The following C2CD5 variants were observed in gnomAD, a reference collection of about 807,000 sequenced individuals.
C2CD5 encodes C2 domain-containing protein 5.
Under a neutral mutation model 130.3 loss-of-function variants are expected in C2CD5, and 109 were observed. The observed-to-expected ratio is 0.84, with a 90% CI of 0.72 to 0.98. The LOEUF (loss-of-function observed/expected upper bound fraction) is 0.98, where lower values mean the gene tolerates loss of function less well. Among genes scored for constraint, C2CD5 ranks in the 50% least tolerant of loss-of-function variants. The pLI is 0.00. For synonymous variants in C2CD5, 454 were observed against 429.2 expected (o/e 1.06, Z -0.71); for missense variants, 996 against 1,261.8 (o/e 0.79, Z 3.19).
intron 22 of C2CD5, chr12:22,463,889 T>G (rs1160134850): frequency 6.6e-6 from 1 of 152,202 alleles, no homozygotes; most frequent in Non-Finnish European, 1.5e-5. Context: ...GTCATTATAA[T>G]TTATGTTTTA....
chr12:22,539,508 C>T (rs1952140623), intron 2 of C2CD5, among the ~76,000 whole-genome samples: 1 of 152,108 alleles, frequency 6.6e-6, no homozygotes, highest in Non-Finnish European at 1.5e-5. Flanking sequence ...GCAAAAAAGA[C>T]AGAACCAACT....
intron 2 of C2CD5, among the ~76,000 whole-genome samples, chr12:22,540,049 T>C (rs1165965319): frequency 1.3e-5 from 2 of 149,472 alleles, no homozygotes; most frequent in African/African-American, 2.5e-5. Context: ...GTTTTACAGA[T>C]AGAAGTATTA....
chr12:22,502,391 A>G (rs556480320), intron 10 of C2CD5, among the ~76,000 whole-genome samples: 1 of 152,218 alleles, frequency 6.6e-6, no homozygotes, highest in Non-Finnish European at 1.5e-5. Flanking sequence ...ATATTTAACA[A>G]ATATTTGCTT....
chr12:22,484,659 T>C, intron 13 of C2CD5, 38 bp downstream of exon 13: 1 of 1,262,358 alleles, frequency 7.9e-7, no homozygotes, highest in Non-Finnish European at 1.1e-6. Flanking sequence ...TATCTCATAC[T>C]TTTTCAGGGA....
chr12:22,523,824 AAATAT>A (rs1042936006), intron 6 of C2CD5, among the ~76,000 whole-genome samples, 200 bp from the exon 7 acceptor site: 1 of 151,464 alleles, frequency 6.6e-6, no homozygotes, highest in Admixed American at 6.6e-5. Context: ...CATAATTATA[AAATAT>A]AATATATACT....
chr12:22,491,889 AC>A (rs1049771771), intron 11 of C2CD5, among the ~76,000 whole-genome samples: 5 of 151,630 alleles, frequency 3.3e-5, no homozygotes, highest in African/African-American at 9.7e-5. Context: ...AAAAAAAAAA[AC>A]GACAACAACA....
Position 22,497,893 on chromosome 12 carries a change from C to T in C2CD5, c.1148-4556G>A, listed in dbSNP as rs117940154. On this transcript the variant is annotated intron_variant, in intron 10 of 26. Coordinates refer to ENST00000446597, the MANE Select transcript of C2CD5 (RefSeq NM_001286176.2). ...TAATTGTGAAATTTCACTACATACA[C>T]GCATGCACACACATACACACACACA... is the stretch of plus-strand genomic sequence containing the variant. 1.1e-3 allele frequency among the ~76,000 whole-genome samples: 145 copies of T among 131,694 alleles called. 1 individual carries two copies. The East Asian group carries it at 0.022, about 20-fold the overall frequency. The allele number at this position is 131,694 out of a possible 152,430, so 86.4% of individuals were successfully genotyped here.
At chr12:22,506,932 A>G in intron 9 of C2CD5, 113 bp from the exon 10 acceptor site, 1 of 665,746 alleles carries the variant, frequency 1.5e-6, no homozygotes, top group Non-Finnish European at 2.7e-6. Flanking sequence ...ATAAAAGGCC[A>G]CCCATTACAC....
chr12:22,522,594 A>G (rs895132229), intron 7 of C2CD5, among the ~76,000 whole-genome samples: 1 of 152,030 alleles, frequency 6.6e-6, no homozygotes, highest in African/African-American at 2.4e-5. Flanking sequence ...ACCCTAAAGT[A>G]TTGGCCTTTC....
At chr12:22,468,025 T>C (rs1042791553) in intron 22 of C2CD5, among the ~76,000 whole-genome samples, 6 of 150,164 alleles carry the variant, frequency 4.0e-5, no homozygotes, top group Non-Finnish European at 8.9e-5. Flanking sequence ...TACCTTTTCC[T>C]ACAGAATAAC....
intron 8 of C2CD5, 54 bp downstream of exon 8, chr12:22,517,932 A>T: frequency 6.8e-7 from 1 of 1,460,758 alleles, no homozygotes; most frequent in Non-Finnish European, 9.3e-7. Flanking sequence ...CTAATAAGAA[A>T]TAGAAACAAA....
At chr12:22,501,841 A>G (rs1350960146) in intron 10 of C2CD5, among the ~76,000 whole-genome samples, 1 of 152,122 alleles carries the variant, frequency 6.6e-6, no homozygotes, top group African/African-American at 2.4e-5. Context: ...AAAGTTTACA[A>G]TATTGAAAAG....
At chr12:22,496,272 A>G (rs949631589) in intron 10 of C2CD5, among the ~76,000 whole-genome samples, 2 of 152,130 alleles carry the variant, frequency 1.3e-5, no homozygotes, top group Non-Finnish European at 2.9e-5. Context: ...TCCCTATAAT[A>G]GAATGTTTAA....
intron 2 of C2CD5, among the ~76,000 whole-genome samples, chr12:22,536,292 C>G (rs1457996758): frequency 6.6e-6 from 1 of 152,142 alleles, no homozygotes; most frequent in Non-Finnish European, 1.5e-5. Context: ...GAGAAGCTGA[C>G]TCACTTTGTA....
intron 13 of C2CD5, among the ~76,000 whole-genome samples, chr12:22,483,035 G>A (rs1364370030): frequency 6.6e-6 from 1 of 152,130 alleles, no homozygotes; most frequent in African/African-American, 2.4e-5. Context: ...AACTAAAAGA[G>A]TATAACAGGA....
intron 25 of C2CD5, among the ~76,000 whole-genome samples, chr12:22,455,227 A>C (rs1246361682): frequency 6.6e-6 from 1 of 152,140 alleles, no homozygotes; most frequent in African/African-American, 2.4e-5. Flanking sequence ...AGTTCAGTAT[A>C]TTTTTTGAGT....
At chr12:22,465,974 T>C (rs1232419962) in intron 22 of C2CD5, among the ~76,000 whole-genome samples, 1 of 151,966 alleles carries the variant, frequency 6.6e-6, no homozygotes, top group African/African-American at 2.4e-5. Context: ...TCTGCTACCT[T>C]TAAAAACAAA....
At chr12:22,526,887 T>C (rs1950767303) in intron 4 of C2CD5, among the ~76,000 whole-genome samples, 2 of 152,144 alleles carry the variant, frequency 1.3e-5, no homozygotes, top group South Asian at 2.1e-4. Flanking sequence ...TACTAAAATA[T>C]TAAGAAAGCA....
rs758707441 is a variant in C2CD5, at chr12:22,527,810, C to T, written c.260G>A (p.Gly87Asp). Residue 87 changes from glycine to aspartate, a missense_variant, in exon 4 of 27, where the codon GGT (glycine) becomes GAT (aspartate). Physicochemically the swap from Gly to Asp is moderately conservative, Grantham distance 94. Transcript: ENST00000446597. ...HDTYSANDAI[G>D]KVYIDIDPLL... ...AGGATCAATATCAATGTACACTTTACCAATGGCATCATTTGCACTGTAAGT... is the reference window on the plus strand; with the variant it reads ...AGGATCAATATCAATGTACACTTTATCAATGGCATCATTTGCACTGTAAGT... 2 of 1,610,200 alleles carry T rather than the reference C, an allele frequency of 1.2e-6. No individual in the cohort carries two copies. The highest frequency in any genetic ancestry group is 1.7e-6 in the Non-Finnish European group (2 of 1,176,756).
Sources: allele counts gnomAD v4.1 joint callset (sites outside exome capture counted in the v4.1 genomes callset), GRCh38; gene constraint gnomAD v4.1.1; transcripts MANE v1.5; gene names NCBI Gene and HGNC (gene_info 2026-07-23, HGNC 2026-07-21).